PJA2: variants seen among roughly 807,000 people sequenced by gnomAD.
PJA2 encodes E3 ubiquitin-protein ligase Praja-2.
In PJA2, 25 loss-of-function variants were observed where a neutral mutation model predicts 69.3. The observed-to-expected ratio is 0.36, with a 90% CI of 0.26 to 0.50. The LOEUF is 0.50. Among genes scored for constraint, PJA2 ranks in the 20% least tolerant of loss-of-function variants. The probability of loss-of-function intolerance (pLI) is 0.96; values close to 1 mark genes in which losing one functional copy is unlikely to be tolerated. For synonymous variants in PJA2, 308 were observed against 277.8 expected (o/e 1.11, Z -1.08); for missense variants, 809 against 830.2 (o/e 0.97, Z 0.31).
intron 7 of PJA2, among the ~76,000 whole-genome samples, chr5:109,349,878 T>C (rs1440342703): frequency 1.3e-5 from 2 of 152,200 alleles, no homozygotes; most frequent in East Asian, 1.9e-4. Flanking sequence ...CATTGCAAGA[T>C]AGGAAATGGA....
intron 7 of PJA2, among the ~76,000 whole-genome samples, chr5:109,353,010 AC>A (rs1762286679): frequency 1.5e-5 from 2 of 131,798 alleles, no homozygotes; most frequent in Admixed American, 7.7e-5. Flanking sequence ...TATATTAGAT[AC>A]CTATATCTAT....
intron 7 of PJA2, among the ~76,000 whole-genome samples, chr5:109,354,742 G>T (rs532948246): frequency 6.8e-6 from 1 of 146,532 alleles, no homozygotes; most frequent in Non-Finnish European, 1.5e-5. Context: ...TTAGAGAGAG[G>T]TAATATATTA....
At chr5:109,361,883 T>C (rs537704931) in intron 6 of PJA2, among the ~76,000 whole-genome samples, 1 of 152,334 alleles carries the variant, frequency 6.6e-6, no homozygotes, top group African/African-American at 2.4e-5. Context: ...GATGTTCAGT[T>C]TCCCATCTGG....
chr5:109,340,616 G>C (rs1249059810), intron 9 of PJA2, among the ~76,000 whole-genome samples: 2 of 10,438 alleles, frequency 1.9e-4, no homozygotes, highest in Non-Finnish European at 3.5e-4. Flanking sequence ...GATTTATTGG[G>C]TCCCTCCCCC....
intron 6 of PJA2, among the ~76,000 whole-genome samples, chr5:109,359,777 G>T (rs1192678182): frequency 1.3e-5 from 2 of 152,124 alleles, no homozygotes; most frequent in Non-Finnish European, 2.9e-5. Context: ...AGCACTGGTG[G>T]AACAACTACA....
intron 5 of PJA2, among the ~76,000 whole-genome samples, chr5:109,364,341 C>A (rs901936025): frequency 6.6e-6 from 1 of 151,936 alleles, no homozygotes; most frequent in Non-Finnish European, 1.5e-5. Flanking sequence ...ATTTCAGTGT[C>A]GGCCGGGCGC....
intron 5 of PJA2, among the ~76,000 whole-genome samples, chr5:109,364,622 C>CAAAAAA (rs200663624): frequency 4.8e-5 from 3 of 61,882 alleles, no homozygotes; most frequent in African/African-American, 1.6e-4. Flanking sequence ...GACTCTGTCT[C>CAAAAAA]AAAAAAAAAA....
chr5:109,344,246 C>G lies in PJA2; in HGVS notation c.1945G>C (p.Glu649Gln). The G allele has an allele frequency of 1.2e-6, 2 of 1,612,422 alleles. No homozygotes were observed. Among genetic ancestry groups the G allele is most frequent in the Non-Finnish European group, 1.7e-6 (2 of 1,179,006 alleles). Residue 649 changes from glutamate (E) to glutamine (Q), a missense_variant, in exon 9 of 10, where the codon GAG becomes CAG. Physicochemically the swap from Glu to Gln is conservative, Grantham distance 29. Around this residue, in one of 4 missense-constraint regions of PJA2, gnomAD observed 19 missense variants for 62.9 expected, o/e 0.30. Coordinates refer to ENST00000361189, the MANE Select transcript of PJA2 (RefSeq NM_014819.5). ...TGAAAGAAATGGTGACAGGGCAACTCTGTTGCTATATCATCCTTAATATAC... is the reference window on the plus strand; with the variant it reads ...TGAAAGAAATGGTGACAGGGCAACTGTGTTGCTATATCATCCTTAATATAC... ...SEYIKDDIATELPCHHFFHKP... is the reference protein window; with the variant it reads ...SEYIKDDIATQLPCHHFFHKP...
intron 5 of PJA2, 106 bp from the exon 6 acceptor site, chr5:109,363,128 C>G: frequency 1.1e-6 from 1 of 919,392 alleles, no homozygotes; most frequent in South Asian, 3.1e-5. Flanking sequence ...GTTCTAAGCT[C>G]TTGGTACTTT....
intron 5 of PJA2, among the ~76,000 whole-genome samples, chr5:109,367,164 ATC>A (rs1762598456): frequency 1.4e-4 from 21 of 148,052 alleles, no homozygotes; most frequent in African/African-American, 4.7e-4. Context: ...ATATATATAT[ATC>A]TATGATGTAT....
chr5:109,347,515 C>A (rs1260566012), intron 7 of PJA2, among the ~76,000 whole-genome samples: 1 of 152,192 alleles, frequency 6.6e-6, no homozygotes, highest in African/African-American at 2.4e-5. Context: ...GACAAGGTTG[C>A]CAGCAGCTTC....
chr5:109,354,076 T>C (rs189054819), intron 7 of PJA2, among the ~76,000 whole-genome samples: 1 of 125,478 alleles, frequency 8.0e-6, no homozygotes, highest in African/African-American at 3.4e-5. Flanking sequence ...GAGATATCTA[T>C]AGATTAGATA....
At chr5:109,353,791 G>A (rs1455156796) in intron 7 of PJA2, among the ~76,000 whole-genome samples, 4 of 134,708 alleles carry the variant, frequency 3.0e-5, no homozygotes, top group African/African-American at 7.9e-5. Flanking sequence ...AGATGTCTAT[G>A]ATATCTAGAG....
Position 109,342,815 on chromosome 5 carries a change from G to A in PJA2, c.2001+1375C>T, listed in dbSNP as rs1255209863. On this transcript the variant is annotated intron_variant, in intron 9 of 9. Coordinates refer to ENST00000361189, the MANE Select transcript of PJA2 (RefSeq NM_014819.5). ...GCCCCTCTGCCCGGCCAGCCGCCCCGTCCGGGAGGGAGGTTGGGGGGTCAG... is the reference window on the plus strand; with the variant it reads ...GCCCCTCTGCCCGGCCAGCCGCCCCATCCGGGAGGGAGGTTGGGGGGTCAG... Among the ~76,000 whole-genome samples the A allele has an allele frequency of 8.9e-4, 80 of 90,010 alleles. No homozygotes were observed. In the East Asian group the frequency reaches 0.022, roughly 25 times the overall value. 59.1% of individuals were successfully genotyped at this position (90,010 alleles called of 152,430 possible). A position where few individuals can be genotyped will look rare whatever the true frequency, so the allele number is the denominator to read the frequency against.
At chr5:109,350,976 T>C (rs1035627772) in intron 7 of PJA2, among the ~76,000 whole-genome samples, 1 of 152,180 alleles carries the variant, frequency 6.6e-6, no homozygotes, top group Non-Finnish European at 1.5e-5. Flanking sequence ...TCTAACATTC[T>C]GTTTATACTT....
At chr5:109,348,136 G>T (rs987324997) in intron 7 of PJA2, among the ~76,000 whole-genome samples, 1 of 152,152 alleles carries the variant, frequency 6.6e-6, no homozygotes, top group African/African-American at 2.4e-5. Context: ...TCCAACTGAA[G>T]CATGTGTCTT....
intron 6 of PJA2, among the ~76,000 whole-genome samples, chr5:109,358,458 G>A (rs896501724): frequency 6.6e-6 from 1 of 152,172 alleles, no homozygotes; most frequent in African/African-American, 2.4e-5. Flanking sequence ...TGAAGGCTGT[G>A]AGACCCCTGA....
At chr5:109,405,357 C>A (rs1747660687) in intron 1 of PJA2, among the ~76,000 whole-genome samples, 2 of 152,208 alleles carry the variant, frequency 1.3e-5, no homozygotes, top group African/African-American at 4.8e-5. Context: ...CTAAATTGAT[C>A]TATGCATTCG....
chr5:109,374,561 G>T (rs1383767244), intron 4 of PJA2, among the ~76,000 whole-genome samples: 2 of 152,102 alleles, frequency 1.3e-5, no homozygotes, highest in African/African-American at 4.8e-5. Flanking sequence ...GTATTAACAG[G>T]GCACCTGGAA....
Sources: allele counts gnomAD v4.1 joint callset (sites outside exome capture counted in the v4.1 genomes callset), GRCh38; gene constraint gnomAD v4.1.1; regional missense constraint gnomAD v4.1.1; transcripts MANE v1.5; gene names NCBI Gene and HGNC (gene_info 2026-07-23, HGNC 2026-07-21).